Variants in CACNB2 observed in about 807,000 individuals in gnomAD.
CACNB2 encodes the protein voltage-dependent L-type calcium channel subunit beta-2.
Under a neutral mutation model 73.3 loss-of-function variants are expected in CACNB2, and 42 were observed. The observed-to-expected ratio is 0.57, with a 90% CI of 0.45 to 0.74. The LOEUF is 0.74. Ranked by LOEUF, CACNB2 falls within the 30% of genes least tolerant of loss-of-function variation. The probability of loss-of-function intolerance (pLI) is 0.00; values close to 1 mark genes in which losing one functional copy is unlikely to be tolerated. For synonymous variants in CACNB2, 348 were observed against 310.3 expected, an observed-to-expected ratio of 1.12 and a Z score of -1.28; for missense variants, 940 against 853.0, an observed-to-expected ratio of 1.10 and a Z score of -1.27.
At chr10:18,259,681 A>G (rs2037446135) in intron 2 of CACNB2, among the ~76,000 whole-genome samples, 1 of 142,366 alleles carries the variant, frequency 7.0e-6, no homozygotes, top group African/African-American at 2.6e-5. Context: ...CAGTGAGCTG[A>G]GGTTGTGCCA....
intron 2 of CACNB2, among the ~76,000 whole-genome samples, chr10:18,359,470 T>C (rs1202409329): frequency 6.6e-6 from 1 of 152,072 alleles, no homozygotes; most frequent in Non-Finnish European, 1.5e-5. Context: ...GATGAGATTT[T>C]ATCATGTTGG....
At chr10:18,505,567 A>G (rs1294083684) in intron 5 of CACNB2, among the ~76,000 whole-genome samples, 1 of 152,192 alleles carries the variant, frequency 6.6e-6, no homozygotes, top group Non-Finnish European at 1.5e-5. Flanking sequence ...CCTTTGATGC[A>G]TAAACACTGT....
At chr10:18,513,686 A>T (rs2050996597) in intron 6 of CACNB2, 1 of 200,570 alleles carries the variant, frequency 5.0e-6, no homozygotes, top group African/African-American at 2.4e-5. Flanking sequence ...ACAGCAAGTA[A>T]TAAGTCATTA....
chr10:18,400,640 GTTTT>G (rs34680296), intron 2 of CACNB2: 32 of 935,464 alleles, frequency 3.4e-5, no homozygotes, highest in Middle Eastern at 1.1e-3. Context: ...TTTTGCACTA[GTTTT>G]TTTTTTTTTT....
At chr10:18,465,166 C>T (rs1486534818) in intron 3 of CACNB2, among the ~76,000 whole-genome samples, 1 of 152,124 alleles carries the variant, frequency 6.6e-6, no homozygotes, top group African/African-American at 2.4e-5. Flanking sequence ...CCCATCTGTA[C>T]TAAAAATATA....
intron 3 of CACNB2, among the ~76,000 whole-genome samples, chr10:18,407,878 A>C (rs1004663205): frequency 2.0e-5 from 3 of 152,068 alleles, no homozygotes; most frequent in African/African-American, 7.2e-5. Flanking sequence ...TAAAGATACT[A>C]ATTTTTTTGA....
At chr10:18,347,792 C>T (rs1368848038) in intron 2 of CACNB2, among the ~76,000 whole-genome samples, 2 of 152,102 alleles carry the variant, frequency 1.3e-5, no homozygotes, top group Non-Finnish European at 2.9e-5. Flanking sequence ...TCTGATGAGC[C>T]TGAGATCCTT....
intron 2 of CACNB2, among the ~76,000 whole-genome samples, chr10:18,198,410 C>T (rs992185960): frequency 6.6e-6 from 1 of 152,004 alleles, no homozygotes; most frequent in Non-Finnish European, 1.5e-5. Flanking sequence ...GGCTAGTAGC[C>T]ATCAATCTTC....
At chr10:18,292,294 CAT>C (rs1395202184) in intron 2 of CACNB2, among the ~76,000 whole-genome samples, 1 of 152,154 alleles carries the variant, frequency 6.6e-6, no homozygotes, top group Non-Finnish European at 1.5e-5. Context: ...CAATGATAGA[CAT>C]GTATAAAGTT....
rs58345605 is a variant in CACNB2, at chr10:18,172,924, C to CTTTTTTTTTTTTTTTTTTTTTTTT, written c.213+21964_213+21965insTTTTTTTTTTTTTTTTTTTTTTTT. Among the ~76,000 whole-genome samples the CTTTTTTTTTTTTTTTTTTTTTTTT allele has an allele frequency of 4.3e-4, 50 of 117,446 alleles. 1 individual carries two copies. Among genetic ancestry groups the CTTTTTTTTTTTTTTTTTTTTTTTT allele is most frequent in the African/African-American group, 1.6e-3 (48 of 30,100 alleles). 77.0% of individuals were successfully genotyped at this position (117,446 alleles called of 152,430 possible). ...CTTCAAATAGGGAAAATAATAAGGCCTTTTTTTTTTTTTTTAAATGGAGTT... is the reference window on the plus strand; with the variant it reads ...CTTCAAATAGGGAAAATAATAAGGCCTTTTTTTTTTTTTTTTTTTTTTTTTTTTTTTTTTTTTTTAAATGGAGTT... On this transcript the variant is annotated intron_variant, in intron 2 of 13. Coordinates refer to ENST00000324631, the MANE Select transcript of CACNB2 (RefSeq NM_201596.3).
At chr10:18,295,619 C>T (rs747893734) in intron 2 of CACNB2, among the ~76,000 whole-genome samples, 8 of 152,056 alleles carry the variant, frequency 5.3e-5, no homozygotes, top group Non-Finnish European at 7.4e-5. Context: ...ACACTAATAC[C>T]ATTTAAGAAA....
At chr10:18,186,571 T>C (rs1052691242) in intron 2 of CACNB2, among the ~76,000 whole-genome samples, 5 of 152,106 alleles carry the variant, frequency 3.3e-5, no homozygotes, top group Non-Finnish European at 4.4e-5. Flanking sequence ...ACAGTCATGG[T>C]GGAAGGCAAA....
intron 3 of CACNB2, among the ~76,000 whole-genome samples, chr10:18,491,103 T>C (rs1403806867): frequency 6.6e-6 from 1 of 152,206 alleles, no homozygotes; most frequent in East Asian, 1.9e-4. Flanking sequence ...TTTTTGTTCT[T>C]GCTTCTTGGG....
At chr10:18,537,316 A>G (rs1445777779) in intron 12 of CACNB2, among the ~76,000 whole-genome samples, 1 of 152,052 alleles carries the variant, frequency 6.6e-6, no homozygotes, top group South Asian at 2.1e-4. Flanking sequence ...TAGCCATTTC[A>G]GGGTCTATAA....
intron 3 of CACNB2, among the ~76,000 whole-genome samples, chr10:18,489,837 C>T (rs1465822731): frequency 6.6e-6 from 1 of 152,140 alleles, no homozygotes; most frequent in Admixed American, 6.5e-5. Flanking sequence ...TGATTGGAAA[C>T]ATACTGGAGA....
intron 2 of CACNB2, among the ~76,000 whole-genome samples, chr10:18,178,456 A>C (rs993451517): frequency 6.6e-6 from 1 of 152,240 alleles, no homozygotes; most frequent in Non-Finnish European, 1.5e-5. Flanking sequence ...ACTGAAAATC[A>C]TACAGAGATT....
At chr10:18,182,590 G>A (rs1223650216) in intron 2 of CACNB2, among the ~76,000 whole-genome samples, 1 of 151,710 alleles carries the variant, frequency 6.6e-6, no homozygotes, top group Non-Finnish European at 1.5e-5. Flanking sequence ...GGGAGGCAGA[G>A]GTGGGCAGAT....
intron 3 of CACNB2, among the ~76,000 whole-genome samples, chr10:18,438,002 ATTTTTTTTTTTTTTTT>A (rs56671616): frequency 7.9e-4 from 33 of 41,768 alleles, no homozygotes; most frequent in Middle Eastern, 0.05. Context: ...GCCCAGTTGG[ATTTTTTTTTTTTTTTT>A]TTTTTTTTTT....
intron 2 of CACNB2, among the ~76,000 whole-genome samples, chr10:18,387,102 T>C (rs755405818): frequency 6.6e-6 from 1 of 152,216 alleles, no homozygotes; most frequent in Non-Finnish European, 1.5e-5. Context: ...AGCCGTCATC[T>C]TGGTCACTAA....
Sources: gnomAD v4.1 joint callset for allele counts (sites outside exome capture counted in the v4.1 genomes callset) on GRCh38, gnomAD v4.1.1 for gene constraint, MANE v1.5 for transcripts, NCBI Gene and HGNC (gene_info 2026-07-23, HGNC 2026-07-21) for gene names.